INPP4B: variants seen among roughly 807,000 people sequenced by gnomAD.
The protein encoded by INPP4B is inositol polyphosphate 4-phosphatase type II.
In INPP4B, 55 loss-of-function variants were observed where a neutral mutation model predicts 122.5. The observed-to-expected ratio is 0.45, with a 90% confidence interval of 0.36 to 0.56. INPP4B has a LOEUF of 0.56. Ranked by LOEUF, INPP4B falls within the 20% of genes least tolerant of loss-of-function variation. INPP4B has a pLI of 0.00. For missense variants in INPP4B, 1,000 were observed against 1,097.7 expected (o/e 0.91, Z 1.26); for synonymous variants, 403 against 388.7 (o/e 1.04, Z -0.43).
chr4:142,297,843 G>A (rs1431648976), intron 9 of INPP4B, among the ~76,000 whole-genome samples: 5 of 152,132 alleles, frequency 3.3e-5, no homozygotes, highest in African/African-American at 1.2e-4. Context: ...GATGGCTGAG[G>A]GACTTAGTAA....
In INPP4B at chr4:142,507,723, C is replaced by T. The variant is rs190940891; in HGVS notation, c.-190-44997G>A. ...CTCTGGATGTGAGTTGCCAGCTCTA[C>T]AAGATAAAGATACAGAAACTGAGGT... is the stretch of plus-strand genomic sequence containing the variant. On this transcript the variant is annotated intron_variant, in intron 2 of 25. Coordinates refer to ENST00000262992, the MANE Select transcript of INPP4B (RefSeq NM_001101669.3). 2.2e-3 allele frequency among the ~76,000 whole-genome samples: 342 copies of T among 152,100 alleles called. 4 individuals are homozygous for T. The highest frequency in any genetic ancestry group is 7.9e-3 in the African/African-American group (328 of 41,486).
chr4:142,670,198 G>A (rs1024349384), intron 2 of INPP4B, among the ~76,000 whole-genome samples: 5 of 152,178 alleles, frequency 3.3e-5, no homozygotes, highest in Non-Finnish European at 7.4e-5. Flanking sequence ...GCTATTTGTG[G>A]TATCAGACGT....
At chr4:142,450,823 A>G (rs1813985145) in intron 3 of INPP4B, among the ~76,000 whole-genome samples, 1 of 152,064 alleles carries the variant, frequency 6.6e-6, no homozygotes, top group South Asian at 2.1e-4. Flanking sequence ...TCTATATGTC[A>G]CCTGCTTTTC....
chr4:142,618,980 T>C (rs1390913304), intron 2 of INPP4B, among the ~76,000 whole-genome samples: 2 of 152,034 alleles, frequency 1.3e-5, no homozygotes, highest in Admixed American at 6.6e-5. Flanking sequence ...AACAGATATA[T>C]GAAATGCTGC....
chr4:142,073,925 T>C (rs1769018508), intron 25 of INPP4B, among the ~76,000 whole-genome samples: 1 of 151,956 alleles, frequency 6.6e-6, no homozygotes, highest in South Asian at 2.1e-4. Context: ...ATCAATCATC[T>C]CTCTAATCAA....
intron 8 of INPP4B, among the ~76,000 whole-genome samples, chr4:142,313,510 A>G (rs10024947): frequency 0.15 from 22,372 of 152,138 alleles, 2,261 homozygotes; most frequent in African/African-American, 0.28. Context: ...ATGTGAGCTG[A>G]GCCCTGAGCT....
intron 3 of INPP4B, among the ~76,000 whole-genome samples, chr4:142,446,079 T>C (rs1035805480): frequency 6.6e-5 from 10 of 151,946 alleles, no homozygotes; most frequent in African/African-American, 1.9e-4. Context: ...AAATCAATTA[T>C]CTAAGCTTTT....
chr4:142,589,964 A>T (rs1456627068), intron 2 of INPP4B, among the ~76,000 whole-genome samples: 1 of 152,188 alleles, frequency 6.6e-6, no homozygotes, highest in East Asian at 1.9e-4. Flanking sequence ...ATAAGCTGTT[A>T]GACTTTGGAA....
At chr4:142,136,881 C>A (rs1424438250) in intron 18 of INPP4B, among the ~76,000 whole-genome samples, 1 of 152,006 alleles carries the variant, frequency 6.6e-6, no homozygotes, top group African/African-American at 2.4e-5. Flanking sequence ...AAAATTTAAT[C>A]ATCCCTTACA....
At chr4:142,609,409 A>G (rs1560860977) in intron 2 of INPP4B, among the ~76,000 whole-genome samples, 1 of 152,010 alleles carries the variant, frequency 6.6e-6, no homozygotes, top group Non-Finnish European at 1.5e-5. Flanking sequence ...CACATAAGTA[A>G]ATGTGAGTTT....
intron 1 of INPP4B, among the ~76,000 whole-genome samples, chr4:142,811,676 G>A (rs1779532845): frequency 6.6e-6 from 1 of 152,126 alleles, no homozygotes; most frequent in African/African-American, 2.4e-5. Flanking sequence ...CACTTAGTTA[G>A]ATTAGAAAAT....
chr4:142,269,888 A>G (rs1290784065), intron 10 of INPP4B, among the ~76,000 whole-genome samples: 2 of 152,168 alleles, frequency 1.3e-5, no homozygotes, highest in African/African-American at 4.8e-5. Flanking sequence ...AAAAGGTAGA[A>G]ATTATAGTGT....
intron 2 of INPP4B, among the ~76,000 whole-genome samples, chr4:142,616,734 C>T (rs1361190228): frequency 6.6e-6 from 1 of 152,078 alleles, no homozygotes; most frequent in African/African-American, 2.4e-5. Context: ...GCTATATATA[C>T]ACCATGGGAT....
At chr4:142,165,390 A>G (rs1419011727) in intron 16 of INPP4B, among the ~76,000 whole-genome samples, 1 of 151,658 alleles carries the variant, frequency 6.6e-6, no homozygotes, top group African/African-American at 2.4e-5. Flanking sequence ...TCCTTTCTAC[A>G]TTCCATAGGG....
At chr4:142,477,620 C>CA (rs1366555002) in intron 2 of INPP4B, among the ~76,000 whole-genome samples, 1 of 151,972 alleles carries the variant, frequency 6.6e-6, no homozygotes, top group African/African-American at 2.4e-5. Context: ...CACAGAAATA[C>CA]AAAAAACTCT....
At chr4:142,059,707 A>T (rs2152430777) in intron 25 of INPP4B, among the ~76,000 whole-genome samples, 1 of 152,236 alleles carries the variant, frequency 6.6e-6, no homozygotes. Context: ...AACTAAATCA[A>T]CCAAGGTCAG....
chr4:142,537,307 T>C (rs979731912), intron 2 of INPP4B, among the ~76,000 whole-genome samples: 1 of 149,954 alleles, frequency 6.7e-6, no homozygotes, highest in African/African-American at 2.5e-5. Context: ...GTGTATACCT[T>C]AGATAGAGGC....
chr4:142,406,335 CAG>C (rs1366637833), intron 5 of INPP4B, among the ~76,000 whole-genome samples: 1 of 152,110 alleles, frequency 6.6e-6, no homozygotes, highest in Non-Finnish European at 1.5e-5. Flanking sequence ...CCCCACTTCT[CAG>C]ACCATAACAG....
chr4:142,305,609 C>T, intron 8 of INPP4B, 72 bp from the exon 9 acceptor site: 1 of 1,534,032 alleles, frequency 6.5e-7, no homozygotes, highest in South Asian at 1.2e-5. Context: ...ATCAATCAAA[C>T]AAAATGAGTC....
Sources: gnomAD v4.1 joint callset for allele counts (sites outside exome capture counted in the v4.1 genomes callset) on GRCh38, gnomAD v4.1.1 for gene constraint, MANE v1.5 for transcripts, NCBI Gene and HGNC (gene_info 2026-07-23, HGNC 2026-07-21) for gene names.